The following PER2 variants were observed in gnomAD, a reference collection of about 807,000 sequenced individuals.
The protein encoded by PER2 is period circadian regulator 2, also known as period circadian protein homolog 2.
A neutral mutation model predicts 121.0 loss-of-function variants in PER2; 66 were observed. The ratio of observed to expected loss-of-function variants is 0.55; its 90% confidence interval spans 0.45 to 0.67. The LOEUF is 0.67. Ranked by LOEUF, PER2 falls within the 30% of genes least tolerant of loss-of-function variation. The pLI, the probability that PER2 is intolerant of heterozygous loss-of-function variation, is 0.00. For synonymous variants in PER2, 684 were observed against 659.9 expected, an observed-to-expected ratio of 1.04 and a Z score of -0.56; for missense variants, 1,521 against 1,635.0, an observed-to-expected ratio of 0.93 and a Z score of 1.20.
At chr2:238,279,334 G>A (rs575127028) in intron 1 of PER2, among the ~76,000 whole-genome samples, 2 of 152,292 alleles carry the variant, frequency 1.3e-5, no homozygotes, top group Non-Finnish European at 2.9e-5. Context: ...CAGCTTCCCA[G>A]CAACTCTGGA....
rs563629958 is a variant in PER2 at position 238,244,754 on chromosome 2, C to A, written c.*1621G>T. ...TTCACCTCCATCAAAAAACAGAAAA[C>A]CCTGGTCCCAGTTGGGCGTGGTGGC... On this transcript the variant is annotated 3_prime_UTR_variant, in exon 23 of 23. Transcript: ENST00000254657. The A allele has an allele frequency of 2.0e-5, 3 of 152,130 alleles. No individual in the cohort carries two copies. Among genetic ancestry groups the A allele is most frequent in the African/African-American group, 7.2e-5 (3 of 41,404 alleles). The allele number at this position is 152,130 out of a possible 1,614,324, so 9.4% of individuals were successfully genotyped here. A position where few individuals can be genotyped will look rare whatever the true frequency, so the allele number is the denominator to read the frequency against.
At chr2:238,298,495 C>G in the PER2 span, 1 of 152,176 alleles carries the variant, frequency 6.6e-6, no homozygotes, top group Non-Finnish European at 1.5e-5. Context: ...CTCCATACCT[C>G]TGGTAAGTGG....
At chr2:238,257,194 C>T (rs2106372224) in intron 16 of PER2, 108 bp from the exon 17 acceptor site, 1 of 913,732 alleles carries the variant, frequency 1.1e-6, no homozygotes. Flanking sequence ...AGGGTGCACA[C>T]AACCCATCCC....
At chr2:238,275,721 CA>C (rs1426234646) in intron 4 of PER2, 21 bp downstream of exon 4, 9 of 1,609,988 alleles carry the variant, frequency 5.6e-6, no homozygotes, top group Non-Finnish European at 6.8e-6. Flanking sequence ...AGGTTTGGAG[CA>C]GATGTGCGAG....
intron 14 of PER2, among the ~76,000 whole-genome samples, chr2:238,259,231 G>A (rs772487101): frequency 7.9e-5 from 12 of 152,238 alleles, no homozygotes; most frequent in East Asian, 1.9e-4. Flanking sequence ...AAGTCCTAGC[G>A]GTGTCTGGCC....
chr2:238,250,516 C>A, intron 21 of PER2, 35 bp downstream of exon 21: 1 of 1,519,888 alleles, frequency 6.6e-7, no homozygotes, highest in South Asian at 1.1e-5. Flanking sequence ...AACCCCATCC[C>A]TCCCCAGGTG....
intron 1 of PER2, among the ~76,000 whole-genome samples, chr2:238,278,982 G>A (rs1235165846): frequency 6.6e-6 from 1 of 152,164 alleles, no homozygotes; most frequent in Non-Finnish European, 1.5e-5. Context: ...TGGGGTAGGT[G>A]GGTGGAGTGG....
rs1695381070 is a variant in PER2 at position 238,244,089 on chromosome 2, G to A, written c.*2286C>T. The A allele has an allele frequency of 6.6e-6, 1 of 152,456 alleles. No individual in the cohort carries two copies. The highest frequency in any genetic ancestry group is 2.4e-5 in the African/African-American group (1 of 41,426). The allele number at this position is 152,456 out of a possible 1,614,324, so 9.4% of individuals were successfully genotyped here. A position where few individuals can be genotyped will look rare whatever the true frequency, so the allele number is the denominator to read the frequency against. On this transcript the variant is annotated 3_prime_UTR_variant, in exon 23 of 23. Coordinates refer to ENST00000254657, the MANE Select transcript of PER2 (RefSeq NM_022817.3). ...TTACCAATTTTCTAAAAGGCAAACA[G>A]GTCATAAAAAGACACAAGCAGTCAA...
intron 20 of PER2, 96 bp from the exon 21 acceptor site, chr2:238,250,839 C>T: frequency 2.4e-6 from 2 of 841,714 alleles, no homozygotes; most frequent in Admixed American, 2.0e-5. Context: ...TTTGAGAGAG[C>T]CCAGTGCCTT....
rs748810685 is a variant in PER2, at chr2:238,249,118, G to A, written c.3562C>T (p.Arg1188Cys). The change falls in exon 22 of 23, where the codon CGC becomes TGC. Residue 1188 changes from arginine to cysteine, a missense_variant. By Grantham distance (180) the Arg-to-Cys change is radical. Coordinates refer to ENST00000254657, the MANE Select transcript of PER2 (RefSeq NM_022817.3). ...RFTESQKQEL[R>C]EVHQWMQTGG... ...GTCTGCATCCACTGGTGGACCTCGC[G>A]CAGCTCCTGCTTCTGACTCTCCGTG... The A allele has an allele frequency of 2.2e-5, 35 of 1,614,004 alleles. No homozygotes were observed. Among genetic ancestry groups the A allele is most frequent in the East Asian group, 1.6e-4 (7 of 44,894 alleles).
At chr2:238,256,707 G>A (rs1421963436) in intron 17 of PER2, among the ~76,000 whole-genome samples, 2 of 152,212 alleles carry the variant, frequency 1.3e-5, no homozygotes, top group Admixed American at 1.3e-4. Context: ...TGCCACTGGA[G>A]GGCACCACAG....
intron 2 of PER2, 34 bp downstream of exon 2, chr2:238,277,673 G>C (rs1423249736): frequency 6.2e-7 from 1 of 1,612,268 alleles, no homozygotes; most frequent in South Asian, 1.1e-5. Context: ...AAAACAACCT[G>C]CCCAGCCTCC....
At chr2:238,287,957 G>T (rs1459521974) in intron 1 of PER2, among the ~76,000 whole-genome samples, 1 of 152,186 alleles carries the variant, frequency 6.6e-6, no homozygotes. Context: ...CCAGTCCGGG[G>T]AAAGGGAATT....
At chr2:238,279,995 T>C (rs1322787423) in intron 1 of PER2, among the ~76,000 whole-genome samples, 1 of 152,200 alleles carries the variant, frequency 6.6e-6, no homozygotes, top group African/African-American at 2.4e-5. Flanking sequence ...ACCAGGAAGA[T>C]GCTTCGTGAG....
At chr2:238,247,936 T>A (rs893288570) in intron 22 of PER2, among the ~76,000 whole-genome samples, 2 of 152,202 alleles carry the variant, frequency 1.3e-5, no homozygotes, top group African/African-American at 4.8e-5. Context: ...CCAGGGTTCA[T>A]GCCATGGAAG....
chr2:238,258,513 A>G lies in PER2; in HGVS notation c.1759T>C (p.Leu587=). The change falls in exon 15 of 23, where the codon TTG becomes CTG. Residue 587 remains leucine (L), a synonymous_variant. Transcript: ENST00000254657. ...PTCSYQQISC[L]DSVIRYLESC... is the part of the protein sequence containing the mutation. The stretch of plus-strand genomic sequence containing the variant: ...CCGGCATACCTGATGACGCTGTCCA[A>G]GCAGCTGATCTGCTGGTAGGAGCAG... 1 of 1,614,204 alleles carries G rather than the reference A, an allele frequency of 6.2e-7. No homozygotes were observed. Among genetic ancestry groups the G allele is most frequent in the Non-Finnish European group, 8.5e-7 (1 of 1,180,030 alleles).
rs1352434151 is a variant in PER2, at chr2:238,252,229, C to T, written c.3112-468G>A. On this transcript the variant is annotated intron_variant, in intron 19 of 22. Transcript: ENST00000254657. The surrounding 1 kb of genome is among the most constrained non-coding windows in gnomAD (Gnocchi z 4.2). The stretch of plus-strand genomic sequence containing the variant: ...GCCCAGGACTCCAGAAGCAGGAGCC[C>T]GGAGGTGGCAGGAGGACTGGGAGAA... Among the ~76,000 whole-genome samples the T allele has an allele frequency of 2.6e-5, 4 of 152,160 alleles. No homozygotes were observed. The highest frequency in any genetic ancestry group is 4.8e-5 in the African/African-American group (2 of 41,450).
At chr2:238,276,366 C>T (rs1480484846) in intron 3 of PER2, among the ~76,000 whole-genome samples, 1 of 152,250 alleles carries the variant, frequency 6.6e-6, no homozygotes, top group African/African-American at 2.4e-5. Context: ...CGCTCTAACC[C>T]AACTGAATGC....
At chr2:238,251,822 G>A in intron 19 of PER2, 61 bp from the exon 20 acceptor site, 1 of 1,115,580 alleles carries the variant, frequency 9.0e-7, no homozygotes. Flanking sequence ...AGCATATGCA[G>A]CGGGGTGGGG....
Sources: gnomAD v4.1 joint callset for allele counts (sites outside exome capture counted in the v4.1 genomes callset) on GRCh38, gnomAD v4.1.1 for gene constraint, Gnocchi (gnomAD v3.1) non-coding constraint, MANE v1.5 for transcripts, NCBI Gene and HGNC (gene_info 2026-07-23, HGNC 2026-07-21) for gene names.